The following PANX1 variants were observed in gnomAD, a reference collection of about 807,000 sequenced individuals.
PANX1 encodes the protein pannexin-1.
Under a neutral mutation model 38.7 loss-of-function variants are expected in PANX1, and 30 were observed. The ratio of observed to expected loss-of-function variants is 0.78; its 90% confidence interval spans 0.58 to 1.05. The LOEUF is 1.05. Among genes scored for constraint, PANX1 ranks in the 50% least tolerant of loss-of-function variants. PANX1 has a pLI of 0.00. For missense variants in PANX1, 551 were observed against 517.2 expected, an observed-to-expected ratio of 1.07 and a Z score of -0.63; for synonymous variants, 230 against 212.2, an observed-to-expected ratio of 1.08 and a Z score of -0.73.
At chr11:94,164,616 T>A (rs1228746125) in intron 2 of PANX1, among the ~76,000 whole-genome samples, 1 of 152,258 alleles carries the variant, frequency 6.6e-6, no homozygotes, top group Non-Finnish European at 1.5e-5. Flanking sequence ...GTGGTCTATC[T>A]GTGAGAATGT....
In PANX1 at chr11:94,178,416, C is replaced by T. The variant is rs759786659; in HGVS notation, c.369C>T (p.Pro123=). The T allele has an allele frequency of 5.0e-6, 8 of 1,614,024 alleles. No individual in the cohort carries two copies. The South Asian group carries it at 8.8e-5, about 18-fold the overall frequency. Reference sequence around the variant, plus strand: ...TCTTTGCGATCCTCCTGTACCTGCCCCCGCTGTTCTGGCGTTTCGCAGCTG... The same window carrying T: ...TCTTTGCGATCCTCCTGTACCTGCCTCCGCTGTTCTGGCGTTTCGCAGCTG... ...LLLFAILLYL[P]PLFWRFAAAP... Residue 123 remains proline, a synonymous_variant, in exon 3 of 5, where the codon CCC becomes CCT. Transcript: ENST00000227638.
At chr11:94,160,741 G>A (rs559494114) in intron 2 of PANX1, among the ~76,000 whole-genome samples, 11 of 152,042 alleles carry the variant, frequency 7.2e-5, no homozygotes, top group Admixed American at 5.2e-4. Context: ...AATTAATATT[G>A]TTATGTGTGA....
Position 94,180,268 on chromosome 11 carries a change from C to G in PANX1, c.1201+11C>G. On this transcript the variant is annotated intron_variant, in intron 4 of 4. Coordinates refer to ENST00000227638, the MANE Select transcript of PANX1 (RefSeq NM_015368.4). ...CGGCAGAGCTCCAAGGTAGGGTTTGCTTTTGGCAGAGGCTACGGGAGTCTA... is the reference window on the plus strand; with the variant it reads ...CGGCAGAGCTCCAAGGTAGGGTTTGGTTTTGGCAGAGGCTACGGGAGTCTA... The G allele has an allele frequency of 6.3e-7, 1 of 1,588,930 alleles. No homozygotes were observed. The highest frequency in any genetic ancestry group is 8.6e-7 in the Non-Finnish European group (1 of 1,164,614).
rs1336414026 is a variant in PANX1 at position 94,175,521 on chromosome 11, G to A, written c.322-2848G>A. Among the ~76,000 whole-genome samples, 7 of 151,698 alleles carry A rather than the reference G, an allele frequency of 4.6e-5. No homozygotes were observed. The South Asian group carries it at 6.2e-4, about 13-fold the overall frequency. ...ACTTTTTAATTCAAGGGAACAGTTC[G>A]AAGTGAAATGCCATTATTCAAATAG... On this transcript the variant is annotated intron_variant, in intron 2 of 4. Coordinates refer to ENST00000227638, the MANE Select transcript of PANX1 (RefSeq NM_015368.4).
chr11:94,144,541 A>G (rs940473058), intron 1 of PANX1, among the ~76,000 whole-genome samples: 1 of 152,094 alleles, frequency 6.6e-6, no homozygotes, highest in Admixed American at 6.5e-5. Context: ...CACTCCAGCC[A>G]TTGACTGCAG....
Position 94,153,611 on chromosome 11 carries a change from T to C in PANX1, c.302T>C (p.Leu101Pro). Residue 101 changes from leucine to proline, a missense_variant, in exon 2 of 5, where the codon CTC (leucine) becomes CCC (proline). By Grantham distance (98) the Leu-to-Pro change is moderately conservative. Coordinates refer to ENST00000227638, the MANE Select transcript of PANX1 (RefSeq NM_015368.4). ...TCACTGCAGAGCGAGTCTGGAAACC[T>C]CCCACTGTGGCTGCATAAGGTAAAG... is the stretch of plus-strand genomic sequence containing the variant. ...KNSLQSESGNLPLWLHKFFPY... is the reference protein window; with the variant it reads ...KNSLQSESGNPPLWLHKFFPY... 1.9e-6 allele frequency: 3 copies of C among 1,613,826 alleles called. No homozygotes were observed. The South Asian group carries it at 3.3e-5, about 18-fold the overall frequency.
intron 1 of PANX1, 84 bp downstream of exon 1, chr11:94,129,577 T>A: frequency 8.0e-7 from 1 of 1,253,104 alleles, no homozygotes; most frequent in South Asian, 1.4e-5. Flanking sequence ...GGCCCGAGTC[T>A]GGGTACGCCC....
chr11:94,179,510 T>C, intron 3 of PANX1, 92 bp from the exon 4 acceptor site: 1 of 902,936 alleles, frequency 1.1e-6, no homozygotes, highest in East Asian at 2.6e-5. Flanking sequence ...TGTTTGAAAT[T>C]TTTAGTGTGA....
intron 2 of PANX1, among the ~76,000 whole-genome samples, chr11:94,156,615 G>C (rs80336584): frequency 0.016 from 2,370 of 152,146 alleles, 60 homozygotes; most frequent in African/African-American, 0.055. Flanking sequence ...GATTACGAGT[G>C]TCTGGTCTAC....
intron 2 of PANX1, among the ~76,000 whole-genome samples, chr11:94,154,667 C>A (rs1157919287): frequency 6.6e-6 from 1 of 152,078 alleles, no homozygotes; most frequent in Non-Finnish European, 1.5e-5. Flanking sequence ...TTATAGTTGA[C>A]CCTTGAACAA....
rs752422124 is a variant in PANX1, at chr11:94,180,086, T to A, written c.1030T>A (p.Ser344Thr). Residue 344 changes from serine (S) to threonine (T), a missense_variant, in exon 4 of 5, where the codon TCA (serine) becomes ACA (threonine). By Grantham distance (58) the Ser-to-Thr change is moderately conservative. Transcript: ENST00000227638. The stretch of plus-strand genomic sequence containing the variant: ...GGAGGAAAATATAAGTGAGGTCAAG[T>A]CATACAAGTGTCTTAAGGTACTGGA... ...FLEENISEVKSYKCLKVLENI... is the reference protein window; with the variant it reads ...FLEENISEVKTYKCLKVLENI... 1 of 1,613,960 alleles carries A rather than the reference T, an allele frequency of 6.2e-7. No individual in the cohort carries two copies. Among genetic ancestry groups the A allele is most frequent in the South Asian group, 1.1e-5 (1 of 91,058 alleles).
intron 2 of PANX1, among the ~76,000 whole-genome samples, chr11:94,166,640 T>G (rs936546743): frequency 1.3e-5 from 2 of 152,226 alleles, no homozygotes; most frequent in African/African-American, 4.8e-5. Flanking sequence ...GAGGTAGTCT[T>G]GCTTGGGTTG....
At chr11:94,130,734 A>C (rs1278662145) in intron 1 of PANX1, among the ~76,000 whole-genome samples, 2 of 152,218 alleles carry the variant, frequency 1.3e-5, no homozygotes, top group East Asian at 3.9e-4. Flanking sequence ...CCTAGTATTT[A>C]ATAGGCCATG....
chr11:94,145,437 C>T (rs1214668439), intron 1 of PANX1, among the ~76,000 whole-genome samples: 3 of 152,202 alleles, frequency 2.0e-5, no homozygotes, highest in Non-Finnish European at 2.9e-5. Context: ...TTGCAGAACA[C>T]GTTTGTGAAC....
intron 1 of PANX1, among the ~76,000 whole-genome samples, chr11:94,142,896 C>T (rs1946780082): frequency 6.6e-6 from 1 of 152,236 alleles, no homozygotes; most frequent in Non-Finnish European, 1.5e-5. Context: ...GGCCATGTGG[C>T]ATTAAATACC....
intron 1 of PANX1, among the ~76,000 whole-genome samples, chr11:94,129,749 T>A (rs1027547670): frequency 3.3e-5 from 5 of 152,198 alleles, no homozygotes; most frequent in African/African-American, 1.2e-4. Flanking sequence ...CTGTGGCTTA[T>A]AGTTTATGTT....
chr11:94,161,529 T>G (rs1414971361), intron 2 of PANX1, among the ~76,000 whole-genome samples: 2 of 152,250 alleles, frequency 1.3e-5, no homozygotes, highest in Non-Finnish European at 2.9e-5. Flanking sequence ...CTGAGGCTTG[T>G]GCATTTGTCA....
rs745433177 is a variant in PANX1 at position 94,178,639 on chromosome 11, TC to T, written c.545+48del. On this transcript the variant is annotated intron_variant, in intron 3 of 4. Coordinates refer to ENST00000227638, the MANE Select transcript of PANX1 (RefSeq NM_015368.4). ...GCTCATCGGGTTTTGTAGGACAAATTCTCTGCCCTTCTACTGCCAGTCTGGG... is the reference window on the plus strand; with the variant it reads ...GCTCATCGGGTTTTGTAGGACAAATTTCTGCCCTTCTACTGCCAGTCTGGG... 3 of 1,426,860 alleles carry T rather than the reference TC, an allele frequency of 2.1e-6. No homozygotes were observed. The African/African-American group carries it at 4.2e-5, about 20-fold the overall frequency. 88.4% of individuals were successfully genotyped at this position (1,426,860 alleles called of 1,614,324 possible).
chr11:94,180,744 T>C, intron 4 of PANX1, 46 bp from the exon 5 acceptor site: 1 of 1,063,872 alleles, frequency 9.4e-7, no homozygotes, highest in Non-Finnish European at 1.5e-6. Flanking sequence ...GTATTGGTAA[T>C]TCCTGCTATG....
Sources: allele counts gnomAD v4.1 joint callset (sites outside exome capture counted in the v4.1 genomes callset), GRCh38; gene constraint gnomAD v4.1.1; transcripts MANE v1.5; gene names NCBI Gene and HGNC (gene_info 2026-07-23, HGNC 2026-07-21).